FOXP1: variants seen among roughly 807,000 people sequenced by gnomAD.
FOXP1 encodes the protein forkhead box P1.
FOXP1 carries 15 observed loss-of-function variants against 98.2 expected under a neutral mutation model. That is an observed-to-expected ratio of 0.15 (90% CI 0.10 to 0.24). FOXP1 has a LOEUF of 0.24. FOXP1 is among the 10% of genes least tolerant of loss of function. The pLI is 1.00. For synonymous variants in FOXP1, 371 were observed against 314.5 expected (o/e 1.18, Z -1.90); for missense variants, 633 against 848.5 (o/e 0.75, Z 3.15).
intron 5 of FOXP1, among the ~76,000 whole-genome samples, chr3:71,249,077 T>A (rs907186568): frequency 2.6e-5 from 4 of 152,244 alleles, no homozygotes; most frequent in Admixed American, 1.3e-4. Flanking sequence ...AAAGTGAACA[T>A]CCTAATTTAG....
chr3:71,476,884 T>C (rs992903405), intron 3 of FOXP1, among the ~76,000 whole-genome samples: 8 of 152,292 alleles, frequency 5.3e-5, no homozygotes, highest in Middle Eastern at 3.4e-3. Flanking sequence ...TAATAATAAC[T>C]GATTAGGTCT....
intron 6 of FOXP1, among the ~76,000 whole-genome samples, chr3:71,186,264 A>G (rs528785978): frequency 6.6e-6 from 1 of 152,228 alleles, no homozygotes; most frequent in Non-Finnish European, 1.5e-5. Context: ...TTTCCTTACT[A>G]GACTGGCTGA....
intron 2 of FOXP1, among the ~76,000 whole-genome samples, chr3:71,539,806 G>C (rs1236423171): frequency 2.6e-5 from 4 of 152,176 alleles, no homozygotes; most frequent in Non-Finnish European, 5.9e-5. Flanking sequence ...ATCAGTAGAT[G>C]TACAAGAAAC....
chr3:71,273,089 G>C (rs952295221), intron 5 of FOXP1, among the ~76,000 whole-genome samples: 17 of 152,160 alleles, frequency 1.1e-4, no homozygotes, highest in African/African-American at 4.1e-4. Context: ...CCCCTCTCTT[G>C]TACAACGAGC....
intron 6 of FOXP1, among the ~76,000 whole-genome samples, chr3:71,133,143 T>C (rs1342000123): frequency 1.3e-5 from 2 of 152,336 alleles, no homozygotes; most frequent in East Asian, 3.9e-4. Context: ...TAAAATATGT[T>C]CTTCCTCTAC....
intron 7 of FOXP1, among the ~76,000 whole-genome samples, chr3:71,088,575 C>T (rs544003476): frequency 2.6e-5 from 4 of 152,080 alleles, no homozygotes; most frequent in South Asian, 2.1e-4. Context: ...ATTTGAGTTG[C>T]GTAAAGGATC....
chr3:71,471,402 T>C (rs1442047659), intron 3 of FOXP1, among the ~76,000 whole-genome samples: 2 of 152,164 alleles, frequency 1.3e-5, no homozygotes, highest in Non-Finnish European at 1.5e-5. Context: ...GGTTTGTCAA[T>C]GGGAATATTA....
chr3:71,072,008 A>G (rs1316797350), intron 7 of FOXP1, among the ~76,000 whole-genome samples: 1 of 152,164 alleles, frequency 6.6e-6, no homozygotes, highest in Non-Finnish European at 1.5e-5. Flanking sequence ...CCTGCTTACA[A>G]TTAGGATCCT....
intron 11 of FOXP1, among the ~76,000 whole-genome samples, chr3:71,041,044 G>T (rs2048274094): frequency 6.6e-6 from 1 of 152,158 alleles, no homozygotes; most frequent in Non-Finnish European, 1.5e-5. Context: ...GAAGGAGTAG[G>T]CCTGGAAGCC....
At chr3:71,462,475 G>A (rs151252221) in intron 3 of FOXP1, among the ~76,000 whole-genome samples, 2 of 152,106 alleles carry the variant, frequency 1.3e-5, no homozygotes, top group South Asian at 2.1e-4. Context: ...ACAGAATCAC[G>A]TATCCATGAT....
intron 2 of FOXP1, among the ~76,000 whole-genome samples, chr3:71,553,828 T>C (rs1252210097): frequency 6.6e-6 from 1 of 152,218 alleles, no homozygotes; most frequent in Admixed American, 6.5e-5. Context: ...TATTCAACAT[T>C]AGTCTCAAAA....
chr3:71,411,902 C>T (rs147860354), intron 3 of FOXP1, among the ~76,000 whole-genome samples: 4 of 152,166 alleles, frequency 2.6e-5, no homozygotes, highest in East Asian at 3.8e-4. Flanking sequence ...ACCCATCCAC[C>T]GACTGAGACG....
chr3:71,408,823 G>A, intron 3 of FOXP1, among the ~76,000 whole-genome samples: 1 of 152,166 alleles, frequency 6.6e-6, no homozygotes, highest in Non-Finnish European at 1.5e-5. Flanking sequence ...TGAGACTACA[G>A]TCCACTAAAA....
intron 3 of FOXP1, among the ~76,000 whole-genome samples, chr3:71,429,760 C>A (rs901279756): frequency 6.6e-6 from 1 of 152,170 alleles, no homozygotes; most frequent in Non-Finnish European, 1.5e-5. Context: ...CTTCAAGAAT[C>A]ACCGTCATTG....
At chr3:71,466,939 A>G (rs1380771665) in intron 3 of FOXP1, among the ~76,000 whole-genome samples, 1 of 152,210 alleles carries the variant, frequency 6.6e-6, no homozygotes, top group Non-Finnish European at 1.5e-5. Flanking sequence ...AATTTAATGA[A>G]CACTTAGCTT....
intron 6 of FOXP1, among the ~76,000 whole-genome samples, chr3:71,186,671 A>G (rs2062666203): frequency 6.6e-6 from 1 of 152,234 alleles, no homozygotes; most frequent in African/African-American, 2.4e-5. Context: ...AGACAGGGCC[A>G]CTGTACTCCA....
At chr3:71,287,867 T>C (rs1192100516) in intron 5 of FOXP1, among the ~76,000 whole-genome samples, 2 of 152,064 alleles carry the variant, frequency 1.3e-5, no homozygotes, top group African/African-American at 4.8e-5. Context: ...GAAATTTTTC[T>C]CACTACTTCT....
chr3:71,544,057 A>G (rs933204782), intron 2 of FOXP1, among the ~76,000 whole-genome samples: 6 of 151,828 alleles, frequency 4.0e-5, no homozygotes, highest in Non-Finnish European at 7.4e-5. Context: ...GTGTGTATAC[A>G]CATACATATA....
intron 2 of FOXP1, among the ~76,000 whole-genome samples, chr3:71,501,506 G>C (rs1373416215): frequency 2.0e-5 from 3 of 151,976 alleles, no homozygotes; most frequent in Admixed American, 2.0e-4. Context: ...TGTTGGCCAG[G>C]ATGGTCTCAA....
Sources: gnomAD v4.1 joint callset for allele counts (sites outside exome capture counted in the v4.1 genomes callset) on GRCh38, gnomAD v4.1.1 for gene constraint, MANE v1.5 for transcripts, NCBI Gene and HGNC (gene_info 2026-07-23, HGNC 2026-07-21) for gene names.